NELL1: variants seen among roughly 807,000 people sequenced by gnomAD.
NELL1 encodes the protein protein kinase C-binding protein NELL1.
In NELL1, 76 loss-of-function variants were observed where a neutral mutation model predicts 107.4. The observed-to-expected ratio is 0.71, with a 90% confidence interval of 0.59 to 0.86. NELL1 has a LOEUF of 0.86. NELL1 is among the 40% of genes least tolerant of loss of function. The pLI is 0.00. For synonymous variants in NELL1, 353 were observed against 341.2 expected (o/e 1.03, Z -0.38); for missense variants, 1,024 against 1,005.5 (o/e 1.02, Z -0.25).
intron 2 of NELL1, among the ~76,000 whole-genome samples, chr11:20,690,371 G>A (rs1208713228): frequency 2.0e-5 from 3 of 152,344 alleles, no homozygotes; most frequent in African/African-American, 7.2e-5. Context: ...CCTATGTCCT[G>A]AATGGTGATG....
At position 20,787,007 on chromosome 11, in the gene NELL1, C is replaced by CAAAAAA. The variant is rs71443763; in HGVS notation, c.335+3196_335+3201dup. 1.5e-4 allele frequency among the ~76,000 whole-genome samples: 9 copies of CAAAAAA among 60,816 alleles called. 1 individual carries two copies. The highest frequency in any genetic ancestry group is 6.5e-4 in the African/African-American group (8 of 12,276). The allele number at this position is 60,816 out of a possible 152,430, so 39.9% of individuals were successfully genotyped here. On this transcript the variant is annotated intron_variant, in intron 3 of 19. Coordinates refer to ENST00000357134, the MANE Select transcript of NELL1 (RefSeq NM_006157.5). ...TAGGCGAAAGAGCGAGACTCCGTCT[C>CAAAAAA]AAAAAAAAAAAAAAAAAAAAAAAAG... is the stretch of plus-strand genomic sequence containing the variant.
chr11:20,949,393 T>G (rs12272260), intron 11 of NELL1, among the ~76,000 whole-genome samples: 4,627 of 152,316 alleles, frequency 0.03, 86 homozygotes, highest in Non-Finnish European at 0.049. Flanking sequence ...GGCTATATTA[T>G]CTGCAGCTGG....
At chr11:21,165,140 G>T (rs1017121131) in intron 13 of NELL1, among the ~76,000 whole-genome samples, 1 of 152,150 alleles carries the variant, frequency 6.6e-6, no homozygotes, top group Non-Finnish European at 1.5e-5. Flanking sequence ...TGACCTCATG[G>T]TGCCATTCGC....
intron 15 of NELL1, among the ~76,000 whole-genome samples, chr11:21,528,298 G>A (rs1436479279): frequency 3.9e-5 from 6 of 152,228 alleles, no homozygotes; most frequent in Non-Finnish European, 8.8e-5. Flanking sequence ...CAAAATTCAT[G>A]CTGATTTTGA....
intron 15 of NELL1, chr11:21,504,175 G>A (rs1471268436): frequency 6.6e-6 from 1 of 152,214 alleles, no homozygotes. Context: ...TGGCACATAA[G>A]TGTCTAATAA....
intron 14 of NELL1, among the ~76,000 whole-genome samples, chr11:21,316,352 T>G (rs1236384028): frequency 6.6e-6 from 1 of 152,190 alleles, no homozygotes; most frequent in Non-Finnish European, 1.5e-5. Context: ...TTTTCTCCCA[T>G]TATTAAAATT....
At chr11:21,424,466 C>T (rs1471232149) in intron 15 of NELL1, among the ~76,000 whole-genome samples, 1 of 151,910 alleles carries the variant, frequency 6.6e-6, no homozygotes, top group South Asian at 2.1e-4. Context: ...ACTAAAAATA[C>T]AAGAATTAGC....
chr11:20,900,351 G>A (rs528103725), intron 5 of NELL1, among the ~76,000 whole-genome samples: 8 of 152,262 alleles, frequency 5.3e-5, no homozygotes, highest in African/African-American at 1.9e-4. Context: ...CAAGTTACAA[G>A]CCCAGCTTAG....
At chr11:20,833,894 A>G (rs12270521) in intron 3 of NELL1, among the ~76,000 whole-genome samples, 24,152 of 152,086 alleles carry the variant, frequency 0.16, 2,612 homozygotes, top group East Asian at 0.33. Context: ...AGAGTGAGAA[A>G]GCTGACACTG....
chr11:21,541,622 G>C (rs1447984685), intron 16 of NELL1, among the ~76,000 whole-genome samples: 7 of 152,046 alleles, frequency 4.6e-5, no homozygotes, highest in Non-Finnish European at 7.4e-5. Context: ...TGAAGCCTTT[G>C]CAGGCAATAC....
At chr11:20,752,972 C>T (rs1425841102) in intron 2 of NELL1, among the ~76,000 whole-genome samples, 1 of 152,168 alleles carries the variant, frequency 6.6e-6, no homozygotes. Flanking sequence ...ACAGATGACA[C>T]ACACACACAC....
At chr11:21,280,961 T>C (rs1453330411) in intron 14 of NELL1, among the ~76,000 whole-genome samples, 1 of 151,862 alleles carries the variant, frequency 6.6e-6, no homozygotes, top group African/African-American at 2.4e-5. Context: ...GGCAACCTAT[T>C]GAGACACCAG....
At chr11:20,827,850 G>A (rs1210456242) in intron 3 of NELL1, among the ~76,000 whole-genome samples, 1 of 151,212 alleles carries the variant, frequency 6.6e-6, no homozygotes, top group Non-Finnish European at 1.5e-5. Flanking sequence ...GGGGAGTGAT[G>A]AGGTTGTGCA....
intron 15 of NELL1, among the ~76,000 whole-genome samples, chr11:21,371,445 C>G (rs1851356445): frequency 6.6e-6 from 1 of 151,968 alleles, no homozygotes; most frequent in South Asian, 2.1e-4. Context: ...ATTCATAGAC[C>G]TGATAATATA....
At chr11:21,132,590 G>A (rs1855647337) in intron 13 of NELL1, among the ~76,000 whole-genome samples, 1 of 152,164 alleles carries the variant, frequency 6.6e-6, no homozygotes, top group Admixed American at 6.5e-5. Context: ...TGGACCAGAT[G>A]TACCACAAGT....
intron 15 of NELL1, among the ~76,000 whole-genome samples, chr11:21,515,606 C>A (rs1475893561): frequency 6.6e-6 from 1 of 152,090 alleles, no homozygotes; most frequent in Non-Finnish European, 1.5e-5. Flanking sequence ...AGAATTTGAA[C>A]CTTAAAGTGC....
chr11:21,532,198 G>C (rs951937573), intron 15 of NELL1, among the ~76,000 whole-genome samples: 1 of 152,068 alleles, frequency 6.6e-6, no homozygotes, highest in Non-Finnish European at 1.5e-5. Context: ...TGCAAGCCAG[G>C]GATTCCCTAG....
chr11:20,999,269 C>T (rs971724757), intron 12 of NELL1, among the ~76,000 whole-genome samples: 30 of 152,182 alleles, frequency 2.0e-4, no homozygotes, highest in African/African-American at 7.2e-4. Flanking sequence ...GCCCATCATT[C>T]TTGGCTCCTA....
At chr11:20,679,071 A>G (rs2133851985) in intron 2 of NELL1, among the ~76,000 whole-genome samples, 1 of 152,298 alleles carries the variant, frequency 6.6e-6, no homozygotes, top group Non-Finnish European at 1.5e-5. Context: ...GGGTAGACAG[A>G]GACTAGGTTA....
Sources: allele counts gnomAD v4.1 joint callset (sites outside exome capture counted in the v4.1 genomes callset), GRCh38; gene constraint gnomAD v4.1.1; transcripts MANE v1.5; gene names NCBI Gene and HGNC (gene_info 2026-07-23, HGNC 2026-07-21).